Variants in GARIN1A observed in about 807,000 individuals in gnomAD.
The protein encoded by GARIN1A is Golgi-associated RAB2 interactor protein 1A.
the GARIN1A span, chr7:128,677,797 A>G: frequency 4.3e-5 from 69 of 1,613,392 alleles, no homozygotes; most frequent in Non-Finnish European, 5.6e-5. Flanking sequence ...ATGCCCACCA[A>G]CTCCACAGAA....
the GARIN1A span, among the ~76,000 whole-genome samples, chr7:128,703,034 C>A: frequency 6.6e-6 from 1 of 152,020 alleles, no homozygotes; most frequent in South Asian, 2.1e-4. Flanking sequence ...AATAGAGCTT[C>A]AAAATACTTG....
chr7:128,692,106 A>G, the GARIN1A span, among the ~76,000 whole-genome samples: 2 of 152,260 alleles, frequency 1.3e-5, no homozygotes, highest in African/African-American at 2.4e-5. Context: ...GAGCTCCCCA[A>G]TAGTCTTCCA....
chr7:128,691,089 A>G, the GARIN1A span: 1 of 152,222 alleles, frequency 6.6e-6, no homozygotes, highest in Admixed American at 6.5e-5. Context: ...TATGTACTAT[A>G]TCTTTGACTA....
At chr7:128,698,852 G>T in the GARIN1A span, among the ~76,000 whole-genome samples, 1 of 152,200 alleles carries the variant, frequency 6.6e-6, no homozygotes, top group East Asian at 1.9e-4. Context: ...CTCTCAAAGT[G>T]TTGGGATTAC....
the GARIN1A span, chr7:128,675,877 G>T: frequency 2.4e-5 from 37 of 1,542,246 alleles, no homozygotes; most frequent in Non-Finnish European, 3.2e-5. Context: ...CTTGAGGGAG[G>T]GCGGGAAGGG....
chr7:128,673,110 C>T, the GARIN1A span, among the ~76,000 whole-genome samples: 1 of 152,124 alleles, frequency 6.6e-6, no homozygotes, highest in Admixed American at 6.5e-5. Context: ...GTGCTGCCTG[C>T]CTCCCTCTAG....
the GARIN1A span, among the ~76,000 whole-genome samples, chr7:128,701,005 C>T: frequency 1.3e-5 from 2 of 152,122 alleles, no homozygotes; most frequent in African/African-American, 4.8e-5. Flanking sequence ...GTCCTAAGTC[C>T]TGGTGGAACC....
the GARIN1A span, among the ~76,000 whole-genome samples, chr7:128,703,745 C>G: frequency 6.6e-6 from 1 of 151,392 alleles, no homozygotes; most frequent in African/African-American, 2.4e-5. Flanking sequence ...CCACTGCACT[C>G]CAGTGTGGAT....
the GARIN1A span, among the ~76,000 whole-genome samples, chr7:128,699,260 G>GCCCCCCCCCCCCCCCCCC: frequency 9.5e-6 from 1 of 105,016 alleles, no homozygotes; most frequent in African/African-American, 3.5e-5. Context: ...CATACCTGCT[G>GCCCCCCCCCCCCCCCCCC]CCCCCCCCCC....
At chr7:128,683,028 T>C in the GARIN1A span, 1 of 1,610,846 alleles carries the variant, frequency 6.2e-7, no homozygotes, top group Non-Finnish European at 8.5e-7. Context: ...TCCAGTGGCA[T>C]CTCCAATCAA....
chr7:128,688,972 C>A, the GARIN1A span, among the ~76,000 whole-genome samples: 1 of 151,448 alleles, frequency 6.6e-6, no homozygotes, highest in African/African-American at 2.4e-5. Context: ...GACTGGTTTT[C>A]GTATTTTTTT....
chr7:128,697,892 G>T, the GARIN1A span: 1 of 152,404 alleles, frequency 6.6e-6, no homozygotes, highest in Non-Finnish European at 1.5e-5. Flanking sequence ...ATCTGTAGTG[G>T]ATCTTTACTG....
the GARIN1A span, chr7:128,675,591 G>T: frequency 6.9e-7 from 1 of 1,450,054 alleles, no homozygotes; most frequent in Non-Finnish European, 9.5e-7. Context: ...CTGCCCCCAA[G>T]ATGATGTGCC....
At chr7:128,701,032 G>A in the GARIN1A span, among the ~76,000 whole-genome samples, 2 of 152,028 alleles carry the variant, frequency 1.3e-5, no homozygotes, top group Admixed American at 6.5e-5. Context: ...TAGGAAATGT[G>A]AGCCCTCCAT....
the GARIN1A span, among the ~76,000 whole-genome samples, chr7:128,707,208 T>TTGTGTGTGTG: frequency 1.1e-5 from 1 of 94,692 alleles, no homozygotes; most frequent in African/African-American, 4.2e-5. Flanking sequence ...ATTATTATTA[T>TTGTGTGTGTG]TGTGTGTATG....
chr7:128,689,098 C>G, the GARIN1A span, among the ~76,000 whole-genome samples: 1 of 152,046 alleles, frequency 6.6e-6, no homozygotes, highest in Non-Finnish European at 1.5e-5. Flanking sequence ...CTTGTTCACT[C>G]AGTGCTCAAT....
the GARIN1A span, among the ~76,000 whole-genome samples, chr7:128,708,278 C>T: frequency 7.0e-4 from 106 of 151,860 alleles, 1 homozygote; most frequent in Admixed American, 1.3e-3. Context: ...TCTCCCACCT[C>T]GGCCTCTGAA....
At chr7:128,680,085 G>A in the GARIN1A span, 1 of 1,582,444 alleles carries the variant, frequency 6.3e-7, no homozygotes, top group Non-Finnish European at 8.6e-7. Flanking sequence ...CGTGCTGCTG[G>A]CGGCTGAGCA....
chr7:128,707,747 C>T, the GARIN1A span, among the ~76,000 whole-genome samples: 10 of 152,278 alleles, frequency 6.6e-5, no homozygotes, highest in South Asian at 2.1e-4. Context: ...GCACCCTGCC[C>T]GGCCAAATAT....
Sources: allele counts gnomAD v4.1 joint callset (sites outside exome capture counted in the v4.1 genomes callset), GRCh38; gene constraint gnomAD v4.1.1; transcripts MANE v1.5; gene names NCBI Gene and HGNC (gene_info 2026-07-23, HGNC 2026-07-21).